Variants in ZCCHC7 observed in about 807,000 individuals in gnomAD.
The protein encoded by ZCCHC7 is zinc finger CCHC domain-containing protein 7.
ZCCHC7 carries 35 observed loss-of-function variants against 52.0 expected under a neutral mutation model. The ratio of observed to expected loss-of-function variants is 0.67; its 90% CI spans 0.51 to 0.89. The LOEUF is 0.89. Among genes scored for constraint, ZCCHC7 ranks in the 40% least tolerant of loss-of-function variants. The pLI, the probability that ZCCHC7 is intolerant of heterozygous loss-of-function variation, is 0.00. For missense variants in ZCCHC7, 574 were observed against 649.1 expected (o/e 0.88, Z 1.26); for synonymous variants, 217 against 221.5 (o/e 0.98, Z 0.18).
chr9:37,227,135 TAATC>T (rs1457028281), intron 2 of ZCCHC7, among the ~76,000 whole-genome samples: 2 of 152,120 alleles, frequency 1.3e-5, no homozygotes, highest in South Asian at 2.1e-4. Flanking sequence ...AATTTGGACT[TAATC>T]AAAATTTAAA....
At position 37,137,051 on chromosome 9, in the gene ZCCHC7, A is replaced by G. The variant is rs961845077; in HGVS notation, c.610+10109A>G. Among the ~76,000 whole-genome samples the G allele has an allele frequency of 4.6e-5, 7 of 152,212 alleles. No individual in the cohort carries two copies. In the South Asian group the frequency reaches 1.2e-3, roughly 27 times the overall value. ...ATTCTGAAATCTTAAAATCTTTCCA[A>G]ATATTATTTACTGGGTGCTGACAAC... On this transcript the variant is annotated intron_variant, in intron 2 of 8. Transcript: ENST00000336755.
At chr9:37,303,890 C>T (rs967588439) in intron 3 of ZCCHC7, among the ~76,000 whole-genome samples, 2 of 151,790 alleles carry the variant, frequency 1.3e-5, no homozygotes, top group East Asian at 1.9e-4. Flanking sequence ...TTTGAACTCC[C>T]GACCTCGGGT....
intron 2 of ZCCHC7, among the ~76,000 whole-genome samples, chr9:37,273,466 G>A (rs1263682207): frequency 2.0e-5 from 3 of 152,200 alleles, no homozygotes; most frequent in African/African-American, 7.2e-5. Context: ...TCGCGCCACT[G>A]CACTCCAGCC....
intron 2 of ZCCHC7, among the ~76,000 whole-genome samples, chr9:37,179,636 A>T (rs1016678926): frequency 1.3e-5 from 2 of 152,130 alleles, no homozygotes; most frequent in East Asian, 1.9e-4. Flanking sequence ...GTCTCTTTGC[A>T]TGGATAGTTG....
intron 2 of ZCCHC7, among the ~76,000 whole-genome samples, chr9:37,228,428 G>A (rs1012732642): frequency 1.3e-5 from 2 of 151,622 alleles, no homozygotes; most frequent in African/African-American, 4.8e-5. Flanking sequence ...TGTCACCTAG[G>A]CTGGAGTGCA....
At chr9:37,145,986 T>G (rs1310952770) in intron 2 of ZCCHC7, among the ~76,000 whole-genome samples, 2 of 151,926 alleles carry the variant, frequency 1.3e-5, no homozygotes, top group Non-Finnish European at 2.9e-5. Flanking sequence ...CATCTTTAAG[T>G]GAATATACCT....
chr9:37,123,214 T>TGTGTGTGCGTGTGC (rs1842400318), intron 1 of ZCCHC7, among the ~76,000 whole-genome samples: 1 of 126,740 alleles, frequency 7.9e-6, no homozygotes, highest in South Asian at 2.7e-4. Flanking sequence ...TGTGTGTGTG[T>TGTGTGTGCGTGTGC]GTGTGTGTGT....
intron 2 of ZCCHC7, among the ~76,000 whole-genome samples, chr9:37,286,751 A>G (rs545646186): frequency 5.3e-5 from 8 of 151,364 alleles, no homozygotes; most frequent in South Asian, 2.1e-4. Flanking sequence ...TTTATGTCCT[A>G]TATTCTTTTT....
chr9:37,323,564 A>G (rs1830131323), intron 5 of ZCCHC7, among the ~76,000 whole-genome samples: 1 of 152,292 alleles, frequency 6.6e-6, no homozygotes, highest in East Asian at 1.9e-4. Flanking sequence ...ACACATTGCC[A>G]CTTACATCTT....
At chr9:37,269,882 C>T (rs1408140264) in intron 2 of ZCCHC7, among the ~76,000 whole-genome samples, 1 of 152,026 alleles carries the variant, frequency 6.6e-6, no homozygotes, top group Non-Finnish European at 1.5e-5. Flanking sequence ...TTTGAGGCAC[C>T]TAGGCCAGTT....
Position 37,222,852 on chromosome 9 carries a change from C to G in ZCCHC7, c.611-79336C>G, listed in dbSNP as rs113267563. Among the ~76,000 whole-genome samples the G allele has an allele frequency of 1.4e-3, 218 of 152,112 alleles. 1 individual carries two copies. The highest frequency in any genetic ancestry group is 5.0e-3 in the African/African-American group (209 of 41,514). Reference sequence around the variant, plus strand: ...TCTAAGAAACCAGTAAAGAAACGCTCTAGTGGGGAATGTGGGCCAAGCATA... The same window carrying G: ...TCTAAGAAACCAGTAAAGAAACGCTGTAGTGGGGAATGTGGGCCAAGCATA... On this transcript the variant is annotated intron_variant, in intron 2 of 8. Transcript: ENST00000336755.
At chr9:37,134,816 C>G (rs1213194644) in intron 2 of ZCCHC7, among the ~76,000 whole-genome samples, 1 of 152,188 alleles carries the variant, frequency 6.6e-6, no homozygotes, top group African/African-American at 2.4e-5. Flanking sequence ...ACTTCCGCCT[C>G]CCGGGTTCAA....
At chr9:37,251,475 C>T (rs2133396023) in intron 2 of ZCCHC7, among the ~76,000 whole-genome samples, 1 of 152,278 alleles carries the variant, frequency 6.6e-6, no homozygotes, top group Admixed American at 6.5e-5. Flanking sequence ...TCCCCCAAAA[C>T]TTGCTTTTGT....
At chr9:37,198,963 A>G (rs1338040985) in intron 2 of ZCCHC7, among the ~76,000 whole-genome samples, 1 of 152,298 alleles carries the variant, frequency 6.6e-6, no homozygotes, top group South Asian at 2.1e-4. Context: ...AATGTGTGCT[A>G]AAGTAGTCTG....
At position 37,238,276 on chromosome 9, in the gene ZCCHC7, T is replaced by A. The variant is rs928130423; in HGVS notation, c.611-63912T>A. On this transcript the variant is annotated intron_variant, in intron 2 of 8. Transcript: ENST00000336755. Reference sequence around the variant, plus strand: ...ATTACTTTTGCTTTCCTTCTCCACCTCATGCAAAGAGAAATGAAGTAGGAA... The same window carrying A: ...ATTACTTTTGCTTTCCTTCTCCACCACATGCAAAGAGAAATGAAGTAGGAA... 5.9e-5 allele frequency among the ~76,000 whole-genome samples: 9 copies of A among 152,332 alleles called. No individual in the cohort carries two copies. In the East Asian group the frequency reaches 7.7e-4, roughly 13 times the overall value.
intron 2 of ZCCHC7, among the ~76,000 whole-genome samples, chr9:37,179,714 A>G (rs1462453091): frequency 1.3e-5 from 2 of 152,168 alleles, no homozygotes; most frequent in African/African-American, 2.4e-5. Flanking sequence ...TTTTTTAAGG[A>G]TAATACAGAA....
At chr9:37,301,806 A>C (rs1174989172) in intron 2 of ZCCHC7, among the ~76,000 whole-genome samples, 2 of 152,152 alleles carry the variant, frequency 1.3e-5, no homozygotes, top group African/African-American at 4.8e-5. Context: ...GTCAGATAAA[A>C]GAAGTTAAGA....
intron 2 of ZCCHC7, among the ~76,000 whole-genome samples, chr9:37,164,441 T>TTAGATAGATAGATAGA (rs58626855): frequency 8.6e-5 from 12 of 139,530 alleles, no homozygotes; most frequent in East Asian, 4.2e-4. Flanking sequence ...TGAGACTGTC[T>TTAGATAGATAGATAGA]TAGATAGATA....
chr9:37,329,429 A>G (rs1298733572), intron 6 of ZCCHC7, among the ~76,000 whole-genome samples: 3 of 151,884 alleles, frequency 2.0e-5, no homozygotes, highest in Non-Finnish European at 2.9e-5. Flanking sequence ...GAATTACAAT[A>G]TATTCTATTT....
Sources: gnomAD v4.1 joint callset for allele counts (sites outside exome capture counted in the v4.1 genomes callset) on GRCh38, gnomAD v4.1.1 for gene constraint, MANE v1.5 for transcripts, NCBI Gene and HGNC (gene_info 2026-07-23, HGNC 2026-07-21) for gene names.